PDE1C: variants seen among roughly 807,000 people sequenced by gnomAD.
The protein encoded by PDE1C is phosphodiesterase 1C, also known as dual specificity calcium/calmodulin-dependent 3',5'-cyclic nucleotide phosphodiesterase 1C.
In PDE1C, 62 loss-of-function variants were observed where a neutral mutation model predicts 93.1. The ratio of observed to expected loss-of-function variants is 0.67; its 90% CI spans 0.54 to 0.82. The LOEUF is 0.82. PDE1C is among the 40% of genes least tolerant of loss of function. PDE1C has a pLI of 0.00. For synonymous variants in PDE1C, 325 were observed against 310.1 expected (o/e 1.05, Z -0.50); for missense variants, 742 against 884.6 (o/e 0.84, Z 2.04).
At chr7:32,298,917 T>A (rs2128901475) in exon 1 of PDE1C, 1 of 1,354,842 alleles carries the variant, frequency 7.4e-7, no homozygotes, top group East Asian at 3.1e-5. Flanking sequence ...GGACCCAATG[T>A]CAACAGCTAA....
chr7:31,811,686 C>T (rs1024464153), intron 15 of PDE1C, among the ~76,000 whole-genome samples: 1 of 152,084 alleles, frequency 6.6e-6, no homozygotes, highest in East Asian at 1.9e-4. Context: ...GCTTTACCCA[C>T]AGCTACAGCA....
chr7:31,877,825 A>G (rs1796780969), intron 5 of PDE1C, 145 bp downstream of exon 5: 3 of 600,426 alleles, frequency 5.0e-6, no homozygotes, highest in South Asian at 2.2e-5. Context: ...TACTGTTAGA[A>G]CAAATAATAA....
chr7:32,417,209 C>T (rs868810484), intron 1 of PDE1C, among the ~76,000 whole-genome samples: 3 of 151,936 alleles, frequency 2.0e-5, no homozygotes, highest in Non-Finnish European at 4.4e-5. Flanking sequence ...GTGCTCAGGG[C>T]ACCCAGAAAA....
the PDE1C span, among the ~76,000 whole-genome samples, chr7:31,721,593 T>G: frequency 4.6e-5 from 7 of 152,306 alleles, no homozygotes; most frequent in South Asian, 2.1e-4. Flanking sequence ...ACCAGAGATT[T>G]GAAGTTGCAA....
chr7:31,708,744 G>A, the PDE1C span, among the ~76,000 whole-genome samples: 1 of 152,208 alleles, frequency 6.6e-6, no homozygotes, highest in African/African-American at 2.4e-5. Flanking sequence ...AGTACTGGAT[G>A]CCCATTTTGG....
intron 3 of PDE1C, among the ~76,000 whole-genome samples, chr7:32,113,335 C>A (rs181867984): frequency 0.013 from 1,819 of 135,824 alleles, 38 homozygotes; most frequent in African/African-American, 0.048. Context: ...ATATATATAT[C>A]TATCTCAATT....
the PDE1C span, among the ~76,000 whole-genome samples, chr7:31,687,485 G>A: frequency 6.6e-6 from 1 of 152,220 alleles, no homozygotes; most frequent in African/African-American, 2.4e-5. Context: ...ATTCTTCCAA[G>A]GGAGGGAATG....
chr7:31,840,482 A>G (rs1791717064), intron 9 of PDE1C, among the ~76,000 whole-genome samples: 1 of 152,090 alleles, frequency 6.6e-6, no homozygotes, highest in South Asian at 2.1e-4. Context: ...TCAATTTATC[A>G]TTAAAAAAAT....
At chr7:31,622,743 G>A in the PDE1C span, among the ~76,000 whole-genome samples, 1 of 151,992 alleles carries the variant, frequency 6.6e-6, no homozygotes, top group African/African-American at 2.4e-5. Flanking sequence ...CAGAAGGCAA[G>A]AAATAACTAA....
chr7:32,260,563 C>T (rs919593524), intron 1 of PDE1C, among the ~76,000 whole-genome samples: 2 of 152,118 alleles, frequency 1.3e-5, no homozygotes, highest in Non-Finnish European at 2.9e-5. Flanking sequence ...TCTCGCCTTC[C>T]TCGCCCCTGT....
intron 2 of PDE1C, among the ~76,000 whole-genome samples, chr7:32,036,847 C>T (rs1791164803): frequency 6.6e-6 from 1 of 152,142 alleles, no homozygotes; most frequent in Non-Finnish European, 1.5e-5. Context: ...CACCTGCAAA[C>T]TTTTTGAAAT....
chr7:32,082,178 C>T (rs112230986), intron 3 of PDE1C, among the ~76,000 whole-genome samples: 98 of 152,388 alleles, frequency 6.4e-4, no homozygotes, highest in African/African-American at 2.1e-3. Context: ...GCTTTTCCGA[C>T]GGGCTTAAAA....
chr7:32,067,556 G>A (rs895979158), intron 1 of PDE1C, among the ~76,000 whole-genome samples: 1 of 152,106 alleles, frequency 6.6e-6, no homozygotes. Flanking sequence ...CTCTTGCTCT[G>A]GTAAAGACTA....
At chr7:31,702,188 C>T in the PDE1C span, among the ~76,000 whole-genome samples, 1 of 147,054 alleles carries the variant, frequency 6.8e-6, no homozygotes, top group African/African-American at 2.6e-5. Flanking sequence ...TGGCTTAAAT[C>T]AGCTTTTCAC....
chr7:32,098,993 T>C (rs1672970764), intron 3 of PDE1C, among the ~76,000 whole-genome samples: 1 of 152,190 alleles, frequency 6.6e-6, no homozygotes, highest in Admixed American at 6.5e-5. Context: ...AATTGTATAC[T>C]CAAAAGGTTA....
chr7:32,374,174 GA>G (rs1321578590), intron 1 of PDE1C, among the ~76,000 whole-genome samples: 1 of 14,634 alleles, frequency 6.8e-5, no homozygotes, highest in African/African-American at 3.0e-4. Flanking sequence ...AAGAAAGAAA[GA>G]AAGAAAGAAA....
At chr7:31,948,355 G>A (rs112775007) in intron 2 of PDE1C, among the ~76,000 whole-genome samples, 1 of 152,310 alleles carries the variant, frequency 6.6e-6, no homozygotes, top group African/African-American at 2.4e-5. Context: ...AGCTGTAAAT[G>A]ATAAATTGCA....
intron 2 of PDE1C, among the ~76,000 whole-genome samples, chr7:32,170,924 G>T (rs1802607707): frequency 6.6e-6 from 1 of 152,080 alleles, no homozygotes; most frequent in Admixed American, 6.6e-5. Context: ...CCAGGGCCTG[G>T]TACCAGGCAA....
chr7:32,382,938 G>T (rs1393911452), intron 1 of PDE1C, among the ~76,000 whole-genome samples: 1 of 151,996 alleles, frequency 6.6e-6, no homozygotes, highest in Non-Finnish European at 1.5e-5. Context: ...GACAACAGGG[G>T]GTAGAAAAGT....
Sources: gnomAD v4.1 joint callset for allele counts (sites outside exome capture counted in the v4.1 genomes callset) on GRCh38, gnomAD v4.1.1 for gene constraint, MANE v1.5 for transcripts, NCBI Gene and HGNC (gene_info 2026-07-23, HGNC 2026-07-21) for gene names.